Variants in RPL7 observed in about 807,000 individuals in gnomAD.
RPL7 encodes the protein ribosomal protein L7.
For synonymous variants in RPL7, 100 were observed against 102.2 expected, an observed-to-expected ratio of 0.98 and a Z score of 0.13; for missense variants, 205 against 301.9, an observed-to-expected ratio of 0.68 and a Z score of 2.38.
Position 73,290,509 on chromosome 8 carries a change from C to T in RPL7, c.*198G>A, listed in dbSNP as rs1563542615. ...CCAAGAGATGTCTTTCACACAGACTCGACCCTGATTTTGCACGAAATGGGC... is the reference window on the plus strand; with the variant it reads ...CCAAGAGATGTCTTTCACACAGACTTGACCCTGATTTTGCACGAAATGGGC... On this transcript the variant is annotated 3_prime_UTR_variant, in exon 7 of 7. Coordinates refer to ENST00000352983, the MANE Select transcript of RPL7 (RefSeq NM_000971.4). 6.5e-6 allele frequency: 1 copy of T among 152,894 alleles called. No individual in the cohort carries two copies. The highest frequency in any genetic ancestry group is 1.5e-5 in the Non-Finnish European group (1 of 68,600). The allele number at this position is 152,894 out of a possible 1,614,324, so 9.5% of individuals were successfully genotyped here.
At chr8:73,293,084 C>G in intron 1 of RPL7, 1 of 293,286 alleles carries the variant, frequency 3.4e-6, no homozygotes, top group Non-Finnish European at 6.2e-6. Flanking sequence ...AAAAAAAAAA[C>G]AAAAAAAACA....
chr8:73,291,449 AGGGAACACAT>A (rs1814094200), intron 5 of RPL7, 93 bp downstream of exon 5: 2 of 932,580 alleles, frequency 2.1e-6, no homozygotes, highest in African/African-American at 3.3e-5. Context: ...CAAGAATCAT[AGGGAACACAT>A]GAAGATTCAC....
chr8:73,291,343 A>C, intron 5 of RPL7, 91 bp from the exon 6 acceptor site: 1 of 1,026,508 alleles, frequency 9.7e-7, no homozygotes, highest in African/African-American at 1.6e-5. Context: ...TGTGAGATGA[A>C]AACATAACCA....
intron 2 of RPL7, 139 bp downstream of exon 2, chr8:73,292,549 CT>C: frequency 9.9e-7 from 1 of 1,012,692 alleles, no homozygotes; most frequent in Non-Finnish European, 1.5e-6. Context: ...AAAAACCCCA[CT>C]ACCTTCAGAT....
chr8:73,293,287 G>C, intron 1 of RPL7: 1 of 407,914 alleles, frequency 2.5e-6, no homozygotes, highest in Non-Finnish European at 4.5e-6. Flanking sequence ...ACCAGCCAAG[G>C]ACGAACACAA....
chr8:73,293,283 C>T lies in RPL7; in HGVS notation c.14+316G>A, dbSNP rs889879939. 3.5e-5 allele frequency: 14 copies of T among 396,320 alleles called. No homozygotes were observed. The Admixed American group carries it at 4.7e-4, about 13-fold the overall frequency. The allele number at this position is 396,320 out of a possible 1,614,324, so 24.6% of individuals were successfully genotyped here. A position where few individuals can be genotyped will look rare whatever the true frequency, so the allele number is the denominator to read the frequency against. ...AGGGAGGCCTGTACCAAGCACCAGCCAAGGACGAACACAATTCAGAGGTTC... is the reference window on the plus strand; with the variant it reads ...AGGGAGGCCTGTACCAAGCACCAGCTAAGGACGAACACAATTCAGAGGTTC... On this transcript the variant is annotated intron_variant, in intron 1 of 6. Transcript: ENST00000352983.
chr8:73,293,072 TA>T (rs111698211), intron 1 of RPL7: 1,713 of 261,158 alleles, frequency 6.6e-3, no homozygotes, highest in East Asian at 0.014. Flanking sequence ...GACGACTAAT[TA>T]AAAAAAAAAA....
rs75277687 is a variant in RPL7 at position 73,292,829 on chromosome 8, G to A, written c.15-32C>T. On this transcript the variant is annotated intron_variant, in intron 1 of 6. Transcript: ENST00000352983. Reference sequence around the variant, plus strand: ...TTAATAAACAAAAATGTTATCAATAGCTCAAAAAGCTCACAGCGCTGTATT... The same window carrying A: ...TTAATAAACAAAAATGTTATCAATAACTCAAAAAGCTCACAGCGCTGTATT... 1.4e-4 allele frequency: 211 copies of A among 1,484,142 alleles called. 1 individual carries two copies. In the East Asian group the frequency reaches 4.4e-3, roughly 31 times the overall value. The allele number at this position is 1,484,142 out of a possible 1,614,324, so 91.9% of individuals were successfully genotyped here. A position where few individuals can be genotyped will look rare whatever the true frequency, so the allele number is the denominator to read the frequency against.
chr8:73,293,186 AT>A (rs1219040723), intron 1 of RPL7: 1 of 224,332 alleles, frequency 4.5e-6, no homozygotes, highest in Non-Finnish European at 8.6e-6. Context: ...AAAAATAAAA[AT>A]AAAAAAAAAA....
At chr8:73,293,033 C>T (rs1814142627) in intron 1 of RPL7, 14 of 390,090 alleles carry the variant, frequency 3.6e-5, no homozygotes, top group Admixed American at 3.0e-4. Flanking sequence ...ATACGTTTTT[C>T]CCTATTTCAA....
Position 73,291,764 on chromosome 8 carries a change from G to C in RPL7, c.428+9C>G, listed in dbSNP as rs761402110. 2.5e-6 allele frequency: 4 copies of C among 1,597,744 alleles called. No homozygotes were observed. The highest frequency in any genetic ancestry group is 2.7e-5 in the African/African-American group (2 of 74,550). ...ATCAAATAGAAATCAAAGGAGAAAA[G>C]AGACTTACCCCCATGCAATATATGG... On this transcript the variant is annotated intron_variant, in intron 4 of 6. Coordinates refer to ENST00000352983, the MANE Select transcript of RPL7 (RefSeq NM_000971.4).
upstream of RPL7, chr8:73,293,786 T>C (rs1057002172): frequency 5.6e-6 from 4 of 708,214 alleles, no homozygotes; most frequent in East Asian, 1.1e-4. Flanking sequence ...TCAACAAACT[T>C]TCGGGTAAAA....
At chr8:73,291,935 G>A (rs771011209) in intron 3 of RPL7, 25 bp from the exon 4 acceptor site, 4 of 1,601,454 alleles carry the variant, frequency 2.5e-6, no homozygotes, top group African/African-American at 2.7e-5. Flanking sequence ...GACCAGAAAT[G>A]CATTTGCCTT....
At chr8:73,292,531 C>A in intron 2 of RPL7, 126 bp from the exon 3 acceptor site, 1 of 1,080,732 alleles carries the variant, frequency 9.3e-7, no homozygotes, top group East Asian at 2.4e-5. Flanking sequence ...CAATTACATC[C>A]CCCACCAAAA....
intron 1 of RPL7, 157 bp from the exon 2 acceptor site, chr8:73,292,954 T>C: frequency 1.9e-6 from 1 of 515,724 alleles, no homozygotes; most frequent in East Asian, 3.0e-5. Context: ...ACGATGCATA[T>C]TTTAGCTCCA....
chr8:73,292,601 G>T (rs1435905751), intron 2 of RPL7, 88 bp downstream of exon 2: 2 of 1,112,850 alleles, frequency 1.8e-6, no homozygotes, highest in Non-Finnish European at 2.6e-6. Flanking sequence ...GTACAGTTAG[G>T]AAGTAAATCT....
chr8:73,293,667 T>C (rs1293064573), upstream of RPL7: 4 of 1,608,348 alleles, frequency 2.5e-6, no homozygotes, highest in African/African-American at 1.3e-5. Context: ...ACTTAAAGAC[T>C]TCGCGAGAGA....
At position 73,290,383 on chromosome 8, in the gene RPL7, T is replaced by C. The variant is rs1389544260; in HGVS notation, c.*324A>G. 1 of 152,228 alleles carries C rather than the reference T, an allele frequency of 6.6e-6. No homozygotes were observed. Among genetic ancestry groups the C allele is most frequent in the Non-Finnish European group, 1.5e-5 (1 of 68,022 alleles). 9.4% of individuals were successfully genotyped at this position (152,228 alleles called of 1,614,324 possible). A position where few individuals can be genotyped will look rare whatever the true frequency, so the allele number is the denominator to read the frequency against. On this transcript the variant is annotated 3_prime_UTR_variant, in exon 7 of 7. Transcript: ENST00000352983. ...TTACCGACAAATCATGTACAAATGC[T>C]TGTGAAACAGGCTTTCTTAGAATAA... is the stretch of plus-strand genomic sequence containing the variant.
Position 73,291,110 on chromosome 8 carries a change from A to G in RPL7, c.681T>C (p.Phe227=). The G allele has an allele frequency of 6.2e-7, 1 of 1,608,270 alleles. No individual in the cohort carries two copies. Among genetic ancestry groups the G allele is most frequent in the Non-Finnish European group, 8.5e-7 (1 of 1,175,846 alleles). ...RGGMKKKTTH[F]VEGGDAGNRE... ...TGTTGCCAGCATCTCCACCTTCTAC[A>G]AAATGGGTGGTCTTTTTCTTCATTC... Residue 227 remains phenylalanine (F), a synonymous_variant, in exon 6 of 7, where the codon TTT becomes TTC. Transcript: ENST00000352983.
Sources: allele counts gnomAD v4.1 joint callset, GRCh38; gene constraint gnomAD v4.1.1; transcripts MANE v1.5; gene names NCBI Gene and HGNC (gene_info 2026-07-23, HGNC 2026-07-21).